ARHGEF33: variants seen among roughly 807,000 people sequenced by gnomAD.
ARHGEF33 encodes DH and coiled-coil domain-containing protein ENSP00000381780.
Under a neutral mutation model 101.9 loss-of-function variants are expected in ARHGEF33, and 72 were observed. The observed-to-expected ratio is 0.71, with a 90% CI of 0.58 to 0.86. ARHGEF33 has a LOEUF of 0.86. Among genes scored for constraint, ARHGEF33 ranks in the 40% least tolerant of loss-of-function variants. ARHGEF33 has a pLI of 0.00. For synonymous variants in ARHGEF33, 499 were observed against 442.5 expected (o/e 1.13, Z -1.60); for missense variants, 1,169 against 1,111.3 (o/e 1.05, Z -0.74).
intron 12 of ARHGEF33, 42 bp from the exon 13 acceptor site, chr2:38,954,331 T>C (rs1467628454): frequency 1.6e-6 from 2 of 1,233,790 alleles, no homozygotes; most frequent in African/African-American, 1.5e-5. Flanking sequence ...CTGCCACAGC[T>C]GGAGGAACAC....
chr2:38,939,290 G>A (rs1044302722), intron 9 of ARHGEF33, among the ~76,000 whole-genome samples: 2 of 152,142 alleles, frequency 1.3e-5, no homozygotes, highest in African/African-American at 4.8e-5. Context: ...GAATATTCTT[G>A]TACAAATTTT....
At chr2:38,942,164 CTTT>C (rs35282727) in intron 9 of ARHGEF33, among the ~76,000 whole-genome samples, 50 of 107,310 alleles carry the variant, frequency 4.7e-4, no homozygotes, top group African/African-American at 1.7e-3. Flanking sequence ...TCTCTCCTTT[CTTT>C]TTTTTTTTTT....
At chr2:38,958,609 C>G (rs1284749952) in intron 15 of ARHGEF33, among the ~76,000 whole-genome samples, 8 of 152,166 alleles carry the variant, frequency 5.3e-5, no homozygotes, top group Admixed American at 3.3e-4. Flanking sequence ...CAAATGAGGT[C>G]AATATTTTGT....
chr2:38,891,557 A>G (rs1665999158), intron 1 of ARHGEF33, among the ~76,000 whole-genome samples: 1 of 152,182 alleles, frequency 6.6e-6, no homozygotes, highest in African/African-American at 2.4e-5. Flanking sequence ...TTTACAGGTG[A>G]CCTGAAACCC....
chr2:38,920,910 G>A (rs1471786865), intron 3 of ARHGEF33, among the ~76,000 whole-genome samples: 1 of 152,158 alleles, frequency 6.6e-6, no homozygotes, highest in Non-Finnish European at 1.5e-5. Flanking sequence ...GCAGAGTTCA[G>A]AAGTCTGTCA....
chr2:38,926,673 A>AT (rs751468229), intron 4 of ARHGEF33, among the ~76,000 whole-genome samples: 6 of 152,092 alleles, frequency 3.9e-5, no homozygotes, highest in Non-Finnish European at 8.8e-5. Context: ...AATTTTAATA[A>AT]TTTTTTGAGA....
chr2:38,944,016 T>A lies in ARHGEF33; in HGVS notation c.906T>A (p.Asn302Lys). The A allele has an allele frequency of 6.5e-7, 1 of 1,550,110 alleles. No homozygotes were observed. Among genetic ancestry groups the A allele is most frequent in the South Asian group, 1.2e-5 (1 of 83,604 alleles). Residue 302 changes from asparagine to lysine, a missense_variant, in exon 10 of 18, where the codon AAT becomes AAA. By Grantham distance (94) the Asn-to-Lys change is moderately conservative (BLOSUM62 0). Coordinates refer to ENST00000409978, the MANE Select transcript of ARHGEF33 (RefSeq NM_001145451.5). The part of the protein sequence containing the change: ...ATFQGSDGKR[N>K]SKERSLFPGS... Reference sequence around the variant, plus strand: ...TCCAGGGGTCAGATGGAAAGAGGAATTCCAAAGAGAGAAGGTATCCATGCA... The same window carrying A: ...TCCAGGGGTCAGATGGAAAGAGGAAATCCAAAGAGAGAAGGTATCCATGCA...
intron 10 of ARHGEF33, among the ~76,000 whole-genome samples, chr2:38,949,907 A>T (rs1667556440): frequency 6.6e-6 from 1 of 152,208 alleles, no homozygotes; most frequent in Admixed American, 6.5e-5. Flanking sequence ...GCACTTTTAA[A>T]CAGCCAGAAT....
rs185119776 is a variant in ARHGEF33, at chr2:38,954,799, A to G, written c.1221+343A>G. ...CAGGCATGTGCCACCATGCCCAGCT[A>G]ATTTTTGTATTTTTAGTAGAGATGG... On this transcript the variant is annotated intron_variant, in intron 13 of 17. Transcript: ENST00000409978. 1.8e-3 allele frequency among the ~76,000 whole-genome samples: 269 copies of G among 151,954 alleles called. 1 individual carries two copies. Among genetic ancestry groups the G allele is most frequent in the Middle Eastern group, 6.8e-3 (2 of 294 alleles).
chr2:38,920,487 A>G (rs762025383), intron 3 of ARHGEF33, among the ~76,000 whole-genome samples: 4 of 134,502 alleles, frequency 3.0e-5, no homozygotes, highest in Non-Finnish European at 6.1e-5. Flanking sequence ...AACTCACTGC[A>G]ACCTCTGCCT....
At chr2:38,954,497 T>G in intron 13 of ARHGEF33, 41 bp downstream of exon 13, 3 of 1,194,314 alleles carry the variant, frequency 2.5e-6, no homozygotes, top group African/African-American at 1.5e-5. Context: ...ATTTGCATGC[T>G]AAGTAATTAT....
intron 2 of ARHGEF33, among the ~76,000 whole-genome samples, chr2:38,900,142 G>C (rs1315922715): frequency 6.6e-6 from 1 of 152,102 alleles, no homozygotes; most frequent in Admixed American, 6.5e-5. Context: ...CAGTGAGCTA[G>C]GATTATACCA....
At chr2:38,958,871 G>A (rs1404985717) in intron 15 of ARHGEF33, among the ~76,000 whole-genome samples, 1 of 151,900 alleles carries the variant, frequency 6.6e-6, no homozygotes, top group Non-Finnish European at 1.5e-5. Flanking sequence ...GTAGAGACAG[G>A]GTTTTACCAT....
intron 10 of ARHGEF33, among the ~76,000 whole-genome samples, chr2:38,944,271 G>A (rs1014898602): frequency 6.6e-6 from 1 of 152,218 alleles, no homozygotes; most frequent in African/African-American, 2.4e-5. Flanking sequence ...AGACTGGGGA[G>A]TCTAAGATCG....
intron 10 of ARHGEF33, 121 bp from the exon 11 acceptor site, chr2:38,950,868 C>G (rs567863841): frequency 2.2e-6 from 2 of 894,386 alleles, no homozygotes; most frequent in African/African-American, 3.4e-5. Context: ...ATCCTTAATG[C>G]AGGCCTGTGA....
Position 38,966,116 on chromosome 2 carries a change from C to G in ARHGEF33, c.2454C>G (p.Arg818=). The G allele has an allele frequency of 6.4e-7, 1 of 1,551,702 alleles. No homozygotes were observed. The highest frequency in any genetic ancestry group is 1.4e-5 in the African/African-American group (1 of 73,172). The change falls in exon 17 of 18, where the codon CGC becomes CGG. Residue 818 remains arginine, a synonymous_variant. Transcript: ENST00000409978. ...GGCAAGACCAGAAGGGGGGCTTTCG[C>G]AGCTCCTTCCGCAAGCTCTTTAAAA... ...NPRQDQKGGF[R]SSFRKLFKKK... is the part of the protein sequence containing the mutation.
intron 4 of ARHGEF33, among the ~76,000 whole-genome samples, chr2:38,925,305 A>G (rs1666846621): frequency 6.6e-6 from 1 of 152,372 alleles, no homozygotes; most frequent in Admixed American, 6.5e-5. Context: ...TAATTGAAAC[A>G]CTATGGGAAC....
intron 4 of ARHGEF33, among the ~76,000 whole-genome samples, chr2:38,921,884 C>G (rs1158813795): frequency 6.6e-6 from 1 of 152,128 alleles, no homozygotes; most frequent in African/African-American, 2.4e-5. Flanking sequence ...ATCTGTTTTT[C>G]TTACTTTTCT....
At chr2:38,971,021 C>T (rs1005251923) in intron 17 of ARHGEF33, among the ~76,000 whole-genome samples, 1 of 152,176 alleles carries the variant, frequency 6.6e-6, no homozygotes, top group Admixed American at 6.5e-5. Flanking sequence ...GCTTTGATTA[C>T]CAGGGCTGAC....
Sources: gnomAD v4.1 joint callset for allele counts (sites outside exome capture counted in the v4.1 genomes callset) on GRCh38, gnomAD v4.1.1 for gene constraint, MANE v1.5 for transcripts, NCBI Gene and HGNC (gene_info 2026-07-23, HGNC 2026-07-21) for gene names.